SRPK2: variants seen among roughly 807,000 people sequenced by gnomAD.
The protein encoded by SRPK2 is SFRS protein kinase 2.
A neutral mutation model predicts 90.8 loss-of-function variants in SRPK2; 21 were observed. That is an observed-to-expected ratio of 0.23 (90% CI 0.16 to 0.33). The LOEUF (loss-of-function observed/expected upper bound fraction) is 0.33, where lower values mean the gene tolerates loss of function less well. Among genes scored for constraint, SRPK2 ranks in the 10% least tolerant of loss-of-function variants. SRPK2 has a pLI of 1.00. For missense variants in SRPK2, 620 were observed against 869.0 expected (o/e 0.71, Z 3.60); for synonymous variants, 288 against 311.1 (o/e 0.93, Z 0.78).
chr7:105,137,876 G>A (rs1803112607), intron 11 of SRPK2, among the ~76,000 whole-genome samples: 1 of 152,168 alleles, frequency 6.6e-6, no homozygotes, highest in South Asian at 2.1e-4. Flanking sequence ...GTACCGTGTG[G>A]TCAAGTGCAA....
intron 2 of SRPK2, among the ~76,000 whole-genome samples, chr7:105,343,151 T>C (rs1412480771): frequency 6.6e-6 from 1 of 152,170 alleles, no homozygotes; most frequent in African/African-American, 2.4e-5. Context: ...GTGTCACTAT[T>C]GGCAGGAGCA....
At chr7:105,280,976 A>C (rs1412356628) in intron 2 of SRPK2, among the ~76,000 whole-genome samples, 19 of 131,578 alleles carry the variant, frequency 1.4e-4, no homozygotes, top group Non-Finnish European at 3.0e-4. Flanking sequence ...AAAAAAAAAA[A>C]AAAAAAAAAC....
intron 2 of SRPK2, among the ~76,000 whole-genome samples, chr7:105,271,850 C>T (rs566270192): frequency 6.6e-6 from 1 of 152,268 alleles, no homozygotes; most frequent in African/African-American, 2.4e-5. Context: ...ACCCTATATG[C>T]TTTATTTTTC....
chr7:105,160,634 G>T, intron 6 of SRPK2, 21 bp from the exon 7 acceptor site: 1 of 1,456,600 alleles, frequency 6.9e-7, no homozygotes, highest in Non-Finnish European at 9.6e-7. Flanking sequence ...GTTAAGGATC[G>T]TTTGTGGATG....
chr7:105,398,830 G>A (rs1258931075), intron 1 of SRPK2, among the ~76,000 whole-genome samples: 1 of 152,058 alleles, frequency 6.6e-6, no homozygotes, highest in African/African-American at 2.4e-5. Flanking sequence ...TATTTACCTG[G>A]GCCAGCTTGA....
At position 105,181,362 on chromosome 7, in the gene SRPK2, T is replaced by C. The variant is rs140568189; in HGVS notation, c.230-12097A>G. Among the ~76,000 whole-genome samples the C allele has an allele frequency of 9.4e-4, 143 of 152,324 alleles. 3 individuals are homozygous for C. The highest frequency in any genetic ancestry group is 3.3e-3 in the African/African-American group (136 of 41,572). Reference sequence around the variant, plus strand: ...ATCATTCGACCCAGCAATTCCTTATTGTGTATACACCGAAAGGAATATAAA... The same window carrying C: ...ATCATTCGACCCAGCAATTCCTTATCGTGTATACACCGAAAGGAATATAAA... On this transcript the variant is annotated intron_variant, in intron 3 of 15. Transcript: ENST00000393651.
intron 2 of SRPK2, among the ~76,000 whole-genome samples, chr7:105,305,175 C>T (rs1811005617): frequency 6.6e-6 from 1 of 152,214 alleles, no homozygotes; most frequent in Non-Finnish European, 1.5e-5. Flanking sequence ...CGCTGTGGCT[C>T]ATGCCTGTAA....
At chr7:105,181,764 G>A (rs1363527044) in intron 3 of SRPK2, among the ~76,000 whole-genome samples, 1 of 151,848 alleles carries the variant, frequency 6.6e-6, no homozygotes, top group Non-Finnish European at 1.5e-5. Context: ...AACATCTATA[G>A]GGCACTATGC....
intron 2 of SRPK2, 66 bp downstream of exon 2, chr7:105,388,582 G>A: frequency 1.4e-6 from 2 of 1,465,354 alleles, no homozygotes; most frequent in South Asian, 1.2e-5. Flanking sequence ...ACTTTCCCCT[G>A]CGCGGCCGCG....
rs541097229 is a variant in SRPK2, at chr7:105,116,526, G to A, written c.*1312C>T. 6.6e-6 allele frequency: 1 copy of A among 152,618 alleles called. No homozygotes were observed. Among genetic ancestry groups the A allele is most frequent in the Admixed American group, 6.5e-5 (1 of 15,276 alleles). 9.5% of individuals were successfully genotyped at this position (152,618 alleles called of 1,614,324 possible). A position where few individuals can be genotyped will look rare whatever the true frequency, so the allele number is the denominator to read the frequency against. On this transcript the variant is annotated 3_prime_UTR_variant, in exon 16 of 16. Coordinates refer to ENST00000393651, the MANE Select transcript of SRPK2 (RefSeq NM_182692.3). ...GTTAATGGACAAAGTCAAAAACGAG[G>A]CACCTTAATGAATGTAAAATTTAAA...
At chr7:105,364,405 G>GTTTTTTTTGT (rs1554523238) in intron 2 of SRPK2, among the ~76,000 whole-genome samples, 1 of 133,906 alleles carries the variant, frequency 7.5e-6, no homozygotes, top group Non-Finnish European at 1.6e-5. Context: ...CGTGTGTAAC[G>GTTTTTTTTGT]TTTTTTTTTT....
chr7:105,392,623 C>A (rs1420985542), upstream of SRPK2, among the ~76,000 whole-genome samples: 1 of 151,884 alleles, frequency 6.6e-6, no homozygotes, highest in East Asian at 1.9e-4. Flanking sequence ...AAGTGATTTT[C>A]CCACCTCAGC....
chr7:105,137,973 T>G (rs1195843420), intron 11 of SRPK2, among the ~76,000 whole-genome samples: 3 of 152,174 alleles, frequency 2.0e-5, no homozygotes, highest in Non-Finnish European at 2.9e-5. Context: ...ATGGCCAAGC[T>G]GCGGGCGAAA....
At chr7:105,260,803 T>C (rs1198417255) in intron 2 of SRPK2, among the ~76,000 whole-genome samples, 1 of 150,716 alleles carries the variant, frequency 6.6e-6, no homozygotes, top group Admixed American at 6.6e-5. Flanking sequence ...AAACACCACA[T>C]GTTCTCACTC....
At position 105,170,997 on chromosome 7, in the gene SRPK2, GAAAGAAAGAAAGAAAGAGAGGA is replaced by G. The variant is rs1791038658; in HGVS notation, c.230-1754_230-1733del. The stretch of plus-strand genomic sequence containing the variant: ...AGAAAGAGAAAGAAAGAAAGAAAGA[GAAAGAAAGAAAGAAAGAGAGGA>G]AGGAAGGAAGGAAGGAAGGAAAGGC... On this transcript the variant is annotated intron_variant, in intron 3 of 15. Transcript: ENST00000393651. Among the ~76,000 whole-genome samples, 4 of 114,430 alleles carry G rather than the reference GAAAGAAAGAAAGAAAGAGAGGA, an allele frequency of 3.5e-5. No homozygotes were observed. In the East Asian group the frequency reaches 9.9e-4, roughly 28 times the overall value. The allele number at this position is 114,430 out of a possible 152,430, so 75.1% of individuals were successfully genotyped here. A position where few individuals can be genotyped will look rare whatever the true frequency, so the allele number is the denominator to read the frequency against.
intron 3 of SRPK2, among the ~76,000 whole-genome samples, chr7:105,196,291 A>G (rs1471957285): frequency 6.6e-6 from 1 of 152,248 alleles, no homozygotes; most frequent in Non-Finnish European, 1.5e-5. Context: ...TCTGTGCAGC[A>G]TTAATGATTT....
chr7:105,365,764 C>A (rs1220833540), intron 2 of SRPK2, among the ~76,000 whole-genome samples: 2 of 151,676 alleles, frequency 1.3e-5, no homozygotes, highest in African/African-American at 4.8e-5. Flanking sequence ...CCACTTCACT[C>A]CGGCCTGGGA....
chr7:105,354,376 C>T (rs957992410), intron 2 of SRPK2, among the ~76,000 whole-genome samples: 6 of 152,192 alleles, frequency 3.9e-5, no homozygotes, highest in Non-Finnish European at 7.3e-5. Context: ...CTCAGAGATG[C>T]TTTTTTCCTC....
At chr7:105,368,743 G>A (rs1819363579) in intron 2 of SRPK2, among the ~76,000 whole-genome samples, 1 of 152,070 alleles carries the variant, frequency 6.6e-6, no homozygotes, top group Non-Finnish European at 1.5e-5. Flanking sequence ...AAATTAGCCA[G>A]GCATGGTGGC....
Sources: gnomAD v4.1 joint callset for allele counts (sites outside exome capture counted in the v4.1 genomes callset) on GRCh38, gnomAD v4.1.1 for gene constraint, MANE v1.5 for transcripts, NCBI Gene and HGNC (gene_info 2026-07-23, HGNC 2026-07-21) for gene names.